Variants in IFT57 observed in about 807,000 individuals in gnomAD.
The protein encoded by IFT57 is intraflagellar transport 57.
IFT57 carries 59 observed loss-of-function variants against 56.8 expected under a neutral mutation model. That is an observed-to-expected ratio of 1.04 (90% CI 0.84 to 1.29). The LOEUF is 1.29. Among genes scored for constraint, IFT57 ranks in the 50% most tolerant of loss-of-function variants. The probability of loss-of-function intolerance (pLI) is 0.00; values close to 1 mark genes in which losing one functional copy is unlikely to be tolerated. For synonymous variants in IFT57, 209 were observed against 186.1 expected (o/e 1.12, Z -1.00); for missense variants, 470 against 522.1 (o/e 0.90, Z 0.97).
chr3:108,185,619 C>T (rs540052865), intron 6 of IFT57, among the ~76,000 whole-genome samples: 149 of 128,184 alleles, frequency 1.2e-3, no homozygotes, highest in African/African-American at 4.5e-3. Flanking sequence ...AGTGCAATGG[C>T]GCAATCTCAG....
rs944927519 is a variant in IFT57, at chr3:108,161,429, C to T, written c.*1048G>A. 1.3e-5 allele frequency: 2 copies of T among 151,920 alleles called. No individual in the cohort carries two copies. Among genetic ancestry groups the T allele is most frequent in the Non-Finnish European group, 2.9e-5 (2 of 67,998 alleles). 9.4% of individuals were successfully genotyped at this position (151,920 alleles called of 1,614,324 possible). On this transcript the variant is annotated 3_prime_UTR_variant, in exon 11 of 11. Transcript: ENST00000264538. ...AAGCTAAGAAAAAAATAATAATATT[C>T]AGTGGAGAAAAGTATTAGGGTAAAA...
chr3:108,196,791 T>A (rs1288926699), intron 5 of IFT57, among the ~76,000 whole-genome samples: 1 of 152,206 alleles, frequency 6.6e-6, no homozygotes, highest in East Asian at 1.9e-4. Flanking sequence ...TTATTCAAAC[T>A]ATACAGTTTC....
chr3:108,197,801 A>T (rs1004756374), intron 5 of IFT57, among the ~76,000 whole-genome samples: 2 of 152,130 alleles, frequency 1.3e-5, no homozygotes. Context: ...TCTTTGCTCA[A>T]ATCCCACCTC....
chr3:108,195,279 A>T (rs190702374), intron 5 of IFT57, among the ~76,000 whole-genome samples: 12 of 152,192 alleles, frequency 7.9e-5, no homozygotes, highest in Non-Finnish European at 1.2e-4. Context: ...ACAAGATACC[A>T]TTTTACCTCA....
In IFT57 at chr3:108,161,205, C is replaced by T. The variant is rs2080029922; in HGVS notation, c.*1272G>A. ...AGATTTTAAAAAATGCTTATTTTCCCATGGTGGGTTTTCTGCCTTTTTTTT... is the reference window on the plus strand; with the variant it reads ...AGATTTTAAAAAATGCTTATTTTCCTATGGTGGGTTTTCTGCCTTTTTTTT... On this transcript the variant is annotated 3_prime_UTR_variant, in exon 11 of 11. Coordinates refer to ENST00000264538, the MANE Select transcript of IFT57 (RefSeq NM_018010.4). 1 of 140,632 alleles carries T rather than the reference C, an allele frequency of 7.1e-6. No individual in the cohort carries two copies. Among genetic ancestry groups the T allele is most frequent in the African/African-American group, 2.7e-5 (1 of 37,586 alleles). The allele number at this position is 140,632 out of a possible 1,614,324, so 8.7% of individuals were successfully genotyped here.
chr3:108,203,708 G>T (rs561364377), intron 5 of IFT57, among the ~76,000 whole-genome samples: 1 of 152,136 alleles, frequency 6.6e-6, no homozygotes, highest in Non-Finnish European at 1.5e-5. Context: ...CAGTGAAAAA[G>T]CTCCTGCTCC....
chr3:108,166,163 T>C (rs948139007), intron 8 of IFT57, among the ~76,000 whole-genome samples: 3 of 152,060 alleles, frequency 2.0e-5, no homozygotes, highest in Non-Finnish European at 2.9e-5. Context: ...TTTTTCTCTT[T>C]CTCAACTTTG....
chr3:108,185,645 C>G (rs573485657), intron 6 of IFT57, among the ~76,000 whole-genome samples: 1 of 150,988 alleles, frequency 6.6e-6, no homozygotes, highest in Admixed American at 6.6e-5. Flanking sequence ...CGCAACCTCC[C>G]CCTCCTGGAT....
chr3:108,193,993 T>C (rs1301478815), intron 5 of IFT57, among the ~76,000 whole-genome samples: 2 of 152,162 alleles, frequency 1.3e-5, no homozygotes, highest in African/African-American at 4.8e-5. Context: ...CCTCAGGGCA[T>C]GTGTGTGGGT....
At chr3:108,191,071 G>C (rs1297399570) in intron 6 of IFT57, among the ~76,000 whole-genome samples, 1 of 152,188 alleles carries the variant, frequency 6.6e-6, no homozygotes, top group African/African-American at 2.4e-5. Context: ...GATTACAAAC[G>C]TGAGCCATGG....
intron 6 of IFT57, among the ~76,000 whole-genome samples, chr3:108,173,028 G>C (rs751679836): frequency 6.6e-6 from 1 of 151,722 alleles, no homozygotes; most frequent in African/African-American, 2.4e-5. Flanking sequence ...CTAACTTCTA[G>C]AAATTATTCT....
rs2080412276 is a variant in IFT57 at position 108,222,424 on chromosome 3, C to T, written c.-102G>A. On this transcript the variant is annotated 5_prime_UTR_variant, in exon 1 of 11. Coordinates refer to ENST00000264538, the MANE Select transcript of IFT57 (RefSeq NM_018010.4). Reference sequence around the variant, plus strand: ...AGTACAGCCACGACCGGTTACCAGGCGACCACCGGACAATCCGTCACCAGG... The same window carrying T: ...AGTACAGCCACGACCGGTTACCAGGTGACCACCGGACAATCCGTCACCAGG... 6.7e-6 allele frequency: 5 copies of T among 745,102 alleles called. No individual in the cohort carries two copies. The South Asian group carries it at 6.9e-5, about 10-fold the overall frequency. 46.2% of individuals were successfully genotyped at this position (745,102 alleles called of 1,614,324 possible).
At chr3:108,195,337 G>C (rs767888123) in intron 5 of IFT57, among the ~76,000 whole-genome samples, 1 of 150,596 alleles carries the variant, frequency 6.6e-6, no homozygotes, top group Non-Finnish European at 1.5e-5. Context: ...ATGCTGGCAA[G>C]GATATGGAGA....
intron 5 of IFT57, among the ~76,000 whole-genome samples, chr3:108,202,911 A>T (rs1422832579): frequency 6.6e-6 from 1 of 152,254 alleles, no homozygotes; most frequent in Non-Finnish European, 1.5e-5. Flanking sequence ...CTGCTGTGTC[A>T]TGATCCACTT....
chr3:108,180,275 T>C (rs1426508476), intron 6 of IFT57, among the ~76,000 whole-genome samples: 1 of 151,968 alleles, frequency 6.6e-6, no homozygotes, highest in Non-Finnish European at 1.5e-5. Flanking sequence ...TTAACACCCC[T>C]TTCATATGGC....
chr3:108,170,551 TATC>T (rs2080087072), intron 6 of IFT57, among the ~76,000 whole-genome samples: 1 of 151,906 alleles, frequency 6.6e-6, no homozygotes, highest in Non-Finnish European at 1.5e-5. Context: ...GAAGAATCAA[TATC>T]ATGAAAATGG....
rs13318210 is a variant in IFT57, at chr3:108,197,570, G to A, written c.655-5927C>T. 4.6e-3 allele frequency among the ~76,000 whole-genome samples: 705 copies of A among 152,238 alleles called. 3 individuals are homozygous for A. Among genetic ancestry groups the A allele is most frequent in the African/African-American group, 0.016 (668 of 41,542 alleles). The stretch of plus-strand genomic sequence containing the variant: ...ATCTTTGGTCAAGCATCAAAGAAAG[G>A]CTATGTTCTGTAAAAATATACATGA... On this transcript the variant is annotated intron_variant, in intron 5 of 10. Transcript: ENST00000264538.
intron 5 of IFT57, among the ~76,000 whole-genome samples, chr3:108,204,904 C>T (rs1480780453): frequency 6.6e-6 from 1 of 152,140 alleles, no homozygotes; most frequent in South Asian, 2.1e-4. Context: ...TACCCAAATA[C>T]TTTACAAGGT....
chr3:108,164,068 G>A (rs2080048047), intron 9 of IFT57, among the ~76,000 whole-genome samples: 1 of 151,822 alleles, frequency 6.6e-6, no homozygotes, highest in African/African-American at 2.4e-5. Context: ...TCTAATAACT[G>A]GTTATTAATT....
Sources: allele counts gnomAD v4.1 joint callset (sites outside exome capture counted in the v4.1 genomes callset), GRCh38; gene constraint gnomAD v4.1.1; transcripts MANE v1.5; gene names NCBI Gene and HGNC (gene_info 2026-07-23, HGNC 2026-07-21).